The following RNF220 variants were observed in gnomAD, a reference collection of about 807,000 sequenced individuals.
The protein encoded by RNF220 is ring finger protein 220.
In RNF220, 7 loss-of-function variants were observed where a neutral mutation model predicts 67.1. That is an observed-to-expected ratio of 0.10 (90% CI 0.06 to 0.20). The LOEUF (loss-of-function observed/expected upper bound fraction) is 0.20. Among genes scored for constraint, RNF220 ranks in the 10% least tolerant of loss-of-function variants. The pLI is 1.00. For synonymous variants in RNF220, 270 were observed against 283.2 expected (o/e 0.95, Z 0.47); for missense variants, 565 against 740.3 (o/e 0.76, Z 2.75).
At chr1:44,494,013 C>T (rs921488274) in intron 2 of RNF220, among the ~76,000 whole-genome samples, 8 of 152,016 alleles carry the variant, frequency 5.3e-5, no homozygotes, top group Non-Finnish European at 1.2e-4. Context: ...TCGAGACCAG[C>T]CTGACCAATA....
chr1:44,429,085 T>C, intron 2 of RNF220, among the ~76,000 whole-genome samples: 1 of 152,110 alleles, frequency 6.6e-6, no homozygotes, highest in Non-Finnish European at 1.5e-5. Context: ...CCCTGCACTT[T>C]CATTCCTACT....
chr1:44,543,420 A>G (rs973855261), intron 2 of RNF220, among the ~76,000 whole-genome samples: 1 of 152,182 alleles, frequency 6.6e-6, no homozygotes, highest in Non-Finnish European at 1.5e-5. Flanking sequence ...TGGCAAATAA[A>G]TAAATAGGAG....
intron 8 of RNF220, among the ~76,000 whole-genome samples, chr1:44,641,548 G>A (rs962170709): frequency 6.6e-6 from 1 of 152,218 alleles, no homozygotes; most frequent in Non-Finnish European, 1.5e-5. Flanking sequence ...AACATCAAAC[G>A]ACTGTGGAGC....
At chr1:44,540,623 T>C (rs1256924908) in intron 2 of RNF220, among the ~76,000 whole-genome samples, 1 of 152,192 alleles carries the variant, frequency 6.6e-6, no homozygotes, top group Non-Finnish European at 1.5e-5. Context: ...ACAGCAAAGC[T>C]CTGAGCTGAT....
chr1:44,483,392 G>T (rs1376990386), intron 2 of RNF220, among the ~76,000 whole-genome samples: 1 of 152,180 alleles, frequency 6.6e-6, no homozygotes, highest in African/African-American at 2.4e-5. Flanking sequence ...CTATGTCCAG[G>T]CTCACAGCAC....
intron 2 of RNF220, among the ~76,000 whole-genome samples, chr1:44,599,937 T>C (rs528517297): frequency 6.6e-6 from 1 of 152,092 alleles, no homozygotes; most frequent in African/African-American, 2.4e-5. Flanking sequence ...AGGGATGGAA[T>C]AGATTAGAGG....
At chr1:44,610,444 C>G (rs1196988934) in intron 2 of RNF220, among the ~76,000 whole-genome samples, 1 of 152,200 alleles carries the variant, frequency 6.6e-6, no homozygotes, top group Non-Finnish European at 1.5e-5. Flanking sequence ...CATCCCCATC[C>G]CCTTGTGCTT....
intron 5 of RNF220, among the ~76,000 whole-genome samples, chr1:44,630,506 G>A (rs1227844960): frequency 6.6e-6 from 1 of 152,214 alleles, no homozygotes; most frequent in Non-Finnish European, 1.5e-5. Flanking sequence ...GTTCCCACTG[G>A]TGTCTCCTTC....
rs191334748 is a variant in RNF220 at position 44,416,873 on chromosome 1, A to G, written c.625+4151A>G. Among the ~76,000 whole-genome samples the G allele has an allele frequency of 1.2e-3, 189 of 152,312 alleles. 2 individuals carry two copies. Among genetic ancestry groups the G allele is most frequent in the African/African-American group, 4.4e-3 (182 of 41,562 alleles). ...TTCTTGGGTCCCAAAAGCCCTGAGT[A>G]GGAGATGGTATTTTGTACTCTGTGT... On this transcript the variant is annotated intron_variant, in intron 2 of 14. Coordinates refer to ENST00000361799, the MANE Select transcript of RNF220 (RefSeq NM_018150.4).
In RNF220 at chr1:44,649,212, T is replaced by C; in HGVS notation, c.1446-449T>C. ...TGTTGGAAGTCACACCACGAGAGAT[T>C]TGCTTTGAGAACATAAATTCCTCTA... On this transcript the variant is annotated intron_variant, in intron 12 of 14. Transcript: ENST00000361799. The surrounding 1 kb of genome is among the most constrained non-coding windows in gnomAD (Gnocchi z 5.9). The C allele has an allele frequency of 5.1e-6, 1 of 195,652 alleles. No homozygotes were observed. Among genetic ancestry groups the C allele is most frequent in the East Asian group, 1.5e-4 (1 of 6,464 alleles). The allele number at this position is 195,652 out of a possible 1,614,324, so 12.1% of individuals were successfully genotyped here.
intron 5 of RNF220, 67 bp downstream of exon 5, chr1:44,626,465 C>A: frequency 8.1e-7 from 1 of 1,240,054 alleles, no homozygotes; most frequent in Non-Finnish European, 1.2e-6. Flanking sequence ...AGAGCCTGCC[C>A]GGTGCTAACT....
intron 2 of RNF220, among the ~76,000 whole-genome samples, chr1:44,519,220 GTTTA>G (rs1273545034): frequency 2.6e-5 from 4 of 152,106 alleles, no homozygotes; most frequent in African/African-American, 7.2e-5. Flanking sequence ...ACAATGAGAA[GTTTA>G]TTCATTCAGT....
Position 44,405,514 on chromosome 1 carries a change from A to G in RNF220, c.-134A>G, listed in dbSNP as rs1187351580. 1 of 455,442 alleles carries G rather than the reference A, an allele frequency of 2.2e-6. No individual in the cohort carries two copies. The highest frequency in any genetic ancestry group is 3.9e-6 in the Non-Finnish European group (1 of 254,754). 28.2% of individuals were successfully genotyped at this position (455,442 alleles called of 1,614,324 possible). A position where few individuals can be genotyped will look rare whatever the true frequency, so the allele number is the denominator to read the frequency against. On this transcript the variant is annotated 5_prime_UTR_variant, in exon 1 of 15. Coordinates refer to ENST00000361799, the MANE Select transcript of RNF220 (RefSeq NM_018150.4). ...CCTGAAAAGTGCGACCGTTCTCCCA[A>G]GGAATTTCCACGGCAAGTATGGAGA...
intron 2 of RNF220, among the ~76,000 whole-genome samples, chr1:44,551,931 C>T (rs1037361147): frequency 6.6e-6 from 1 of 152,156 alleles, no homozygotes; most frequent in South Asian, 2.1e-4. Flanking sequence ...TTTTTACCTC[C>T]TTATGGGGCA....
chr1:44,424,863 GCGGTGCC>G (rs1352027587), intron 2 of RNF220, among the ~76,000 whole-genome samples: 1 of 152,242 alleles, frequency 6.6e-6, no homozygotes, highest in African/African-American at 2.4e-5. Flanking sequence ...GGTGTGCGCT[GCGGTGCC>G]CCTTGGGCTC....
At chr1:44,450,959 G>A (rs905027256) in intron 2 of RNF220, among the ~76,000 whole-genome samples, 4 of 152,114 alleles carry the variant, frequency 2.6e-5, no homozygotes, top group African/African-American at 9.7e-5. Flanking sequence ...CGAGGTGGGC[G>A]GATCACGAGG....
At chr1:44,440,683 A>G (rs557038874) in intron 2 of RNF220, among the ~76,000 whole-genome samples, 1 of 152,320 alleles carries the variant, frequency 6.6e-6, no homozygotes, top group South Asian at 2.1e-4. Context: ...ACTCCAGCAG[A>G]CTTCAGAAAG....
intron 2 of RNF220, among the ~76,000 whole-genome samples, chr1:44,443,151 T>C (rs1374625391): frequency 6.6e-6 from 1 of 152,230 alleles, no homozygotes; most frequent in Non-Finnish European, 1.5e-5. Context: ...CTTTTATTCT[T>C]GGATGTCGTG....
At chr1:44,506,154 T>G (rs1658397716) in intron 2 of RNF220, among the ~76,000 whole-genome samples, 1 of 152,234 alleles carries the variant, frequency 6.6e-6, no homozygotes, top group Non-Finnish European at 1.5e-5. Flanking sequence ...CAGAAGTTAT[T>G]GTCCCTTACA....
Sources: allele counts gnomAD v4.1 joint callset (sites outside exome capture counted in the v4.1 genomes callset), GRCh38; gene constraint gnomAD v4.1.1; non-coding constraint Gnocchi (gnomAD v3.1); transcripts MANE v1.5; gene names NCBI Gene and HGNC (gene_info 2026-07-23, HGNC 2026-07-21).